The following RPP30 variants were observed in gnomAD, a reference collection of about 807,000 sequenced individuals.
RPP30 encodes the protein ribonuclease P protein subunit p30.
RPP30 carries 36 observed loss-of-function variants against 38.6 expected under a neutral mutation model. The observed-to-expected ratio is 0.93, with a 90% confidence interval of 0.71 to 1.23. RPP30 has a LOEUF of 1.23. Ranked by LOEUF, RPP30 falls within the 50% of genes most tolerant of loss-of-function variation. The probability of loss-of-function intolerance (pLI) is 0.00; values close to 1 mark genes in which losing one functional copy is unlikely to be tolerated. For missense variants in RPP30, 321 were observed against 321.7 expected (o/e 1.00, Z 0.02); for synonymous variants, 126 against 112.7 (o/e 1.12, Z -0.75).
chr10:90,897,193 T>G (rs993980092), intron 10 of RPP30, among the ~76,000 whole-genome samples: 4 of 152,262 alleles, frequency 2.6e-5, no homozygotes, highest in Non-Finnish European at 5.9e-5. Context: ...AATTTAAGCT[T>G]TTGATCACTG....
In RPP30 at chr10:90,885,793, ATT is replaced by A; in HGVS notation, c.343-13_343-12del. On this transcript the variant is annotated splice_polypyrimidine_tract_variant and intron_variant, in intron 5 of 10. Transcript: ENST00000371703. ...GCCAATTTTCCTTTTGGCCTTACCT[ATT>A]TTTTTCTTCTTTACAGATTGCTTGC... The A allele has an allele frequency of 1.3e-6, 2 of 1,577,434 alleles. No homozygotes were observed. Among genetic ancestry groups the A allele is most frequent in the Non-Finnish European group, 8.7e-7 (1 of 1,150,420 alleles).
chr10:90,873,469 C>T lies in RPP30; in HGVS notation c.83-1400C>T, dbSNP rs537569765. Among the ~76,000 whole-genome samples the T allele has an allele frequency of 2.0e-5, 3 of 152,274 alleles. No homozygotes were observed. The South Asian group carries it at 6.2e-4, about 32-fold the overall frequency. On this transcript the variant is annotated intron_variant, in intron 1 of 10. Coordinates refer to ENST00000371703, the MANE Select transcript of RPP30 (RefSeq NM_006413.5). ...TGCAAAGAATAGGAAAGACAGAGCC[C>T]TGGTTCTCAGTTTCTGATGTGATAC... is the stretch of plus-strand genomic sequence containing the variant.
At chr10:90,884,531 T>C (rs1421235913) in intron 5 of RPP30, among the ~76,000 whole-genome samples, 1 of 152,180 alleles carries the variant, frequency 6.6e-6, no homozygotes, top group Non-Finnish European at 1.5e-5. Context: ...AGTGACTCTT[T>C]TATGAGTTGG....
intron 5 of RPP30, among the ~76,000 whole-genome samples, chr10:90,879,547 C>T (rs750215989): frequency 8.5e-5 from 13 of 152,164 alleles, no homozygotes; most frequent in South Asian, 2.1e-4. Context: ...ACCTCTGTTT[C>T]GGCTTCCTCC....
chr10:90,900,688 C>G lies in RPP30; in HGVS notation c.*9C>G, dbSNP rs766392758. 1 of 1,611,172 alleles carries G rather than the reference C, an allele frequency of 6.2e-7. No individual in the cohort carries two copies. The highest frequency in any genetic ancestry group is 8.5e-7 in the Non-Finnish European group (1 of 1,178,828). ...CCAAGTGTGAGGGCTGAAAAGAATG[C>G]CCCAGTCTCTGTCAGCACTCCCTTC... is the stretch of plus-strand genomic sequence containing the variant. On this transcript the variant is annotated 3_prime_UTR_variant, in exon 11 of 11. Transcript: ENST00000371703.
At chr10:90,902,951 C>A (rs1847219297), downstream of RPP30, among the ~76,000 whole-genome samples, 2 of 152,268 alleles carry the variant, frequency 1.3e-5, no homozygotes, top group Middle Eastern at 3.4e-3. Flanking sequence ...CTGTTTAAGG[C>A]AGCTGTGTTT....
In RPP30 at chr10:90,901,102, G is replaced by C; in HGVS notation, c.*423G>C. ...TGATCCTCCCGCTTCAGCCTCTCAA[G>C]CAGCGGGAACTACAGGTGTGCACTA... On this transcript the variant is annotated 3_prime_UTR_variant, in exon 11 of 11. Coordinates refer to ENST00000371703, the MANE Select transcript of RPP30 (RefSeq NM_006413.5). 1 of 324,502 alleles carries C rather than the reference G, an allele frequency of 3.1e-6. No individual in the cohort carries two copies. The highest frequency in any genetic ancestry group is 4.4e-6 in the Non-Finnish European group (1 of 226,962). 20.1% of individuals were successfully genotyped at this position (324,502 alleles called of 1,614,324 possible).
At chr10:90,894,317 CT>C (rs1221249674) in intron 6 of RPP30, among the ~76,000 whole-genome samples, 1 of 152,166 alleles carries the variant, frequency 6.6e-6, no homozygotes, top group Non-Finnish European at 1.5e-5. Flanking sequence ...CCTGAAAGAC[CT>C]TCCTGCCCTT....
intron 6 of RPP30, among the ~76,000 whole-genome samples, chr10:90,893,467 G>A (rs1441979838): frequency 2.0e-5 from 3 of 152,178 alleles, no homozygotes; most frequent in African/African-American, 7.2e-5. Context: ...CCACTCAAGT[G>A]ACTTTTGCAA....
chr10:90,899,686 G>A (rs948667577), intron 10 of RPP30, among the ~76,000 whole-genome samples: 11 of 152,094 alleles, frequency 7.2e-5, no homozygotes, highest in African/African-American at 2.7e-4. Flanking sequence ...CTTTGTAAAG[G>A]AATATTTCTC....
chr10:90,903,093 C>T, downstream of RPP30: 1 of 711,686 alleles, frequency 1.4e-6, no homozygotes, highest in Non-Finnish European at 2.5e-6. Flanking sequence ...GAACTGCTGT[C>T]AAATTAGATA....
intron 5 of RPP30, among the ~76,000 whole-genome samples, chr10:90,882,068 T>G (rs533274652): frequency 2.0e-5 from 3 of 152,224 alleles, no homozygotes; most frequent in East Asian, 3.9e-4. Context: ...GTCCATTGGT[T>G]AGGGCTCCTT....
intron 2 of RPP30, among the ~76,000 whole-genome samples, 195 bp from the exon 3 acceptor site, chr10:90,875,363 G>C (rs1846837456): frequency 6.6e-6 from 1 of 152,006 alleles, no homozygotes; most frequent in African/African-American, 2.4e-5. Flanking sequence ...CCTATTCACT[G>C]ATGTTTACAG....
chr10:90,874,767 CA>C, intron 1 of RPP30, 101 bp from the exon 2 acceptor site: 2 of 669,628 alleles, frequency 3.0e-6, no homozygotes, highest in East Asian at 5.7e-5. Context: ...AACCACTCCT[CA>C]AATGTCCTCC....
rs1589497596 is a variant in RPP30 at position 90,885,964 on chromosome 10, A to G, written c.432+63A>G. ...ACTTACATTAGCAAATTGGAAAAGA[A>G]GCAGAAGAAATCAGTGTTCTTAGAA... On this transcript the variant is annotated intron_variant, in intron 6 of 10. Coordinates refer to ENST00000371703, the MANE Select transcript of RPP30 (RefSeq NM_006413.5). The G allele has an allele frequency of 7.6e-6, 8 of 1,053,918 alleles. No homozygotes were observed. The East Asian group carries it at 2.0e-4, about 26-fold the overall frequency. The allele number at this position is 1,053,918 out of a possible 1,614,324, so 65.3% of individuals were successfully genotyped here.
chr10:90,892,627 T>G (rs758852328), intron 6 of RPP30, among the ~76,000 whole-genome samples: 1 of 152,236 alleles, frequency 6.6e-6, no homozygotes, highest in Non-Finnish European at 1.5e-5. Flanking sequence ...TTTCATTTAT[T>G]TCCCCTCTTC....
intron 4 of RPP30, among the ~76,000 whole-genome samples, chr10:90,876,962 T>C (rs1037209135): frequency 3.9e-5 from 6 of 152,028 alleles, no homozygotes; most frequent in Admixed American, 3.3e-4. Flanking sequence ...AGACGGACCA[T>C]ACAAACCAGC....
intron 6 of RPP30, among the ~76,000 whole-genome samples, chr10:90,889,042 A>T (rs1847039375): frequency 6.6e-6 from 1 of 152,166 alleles, no homozygotes; most frequent in Non-Finnish European, 1.5e-5. Context: ...ATTTTTTATT[A>T]AAGAGAGAAA....
chr10:90,891,904 C>T (rs1367780995), intron 6 of RPP30, among the ~76,000 whole-genome samples: 1 of 152,118 alleles, frequency 6.6e-6, no homozygotes. Context: ...GACAAATTAC[C>T]TGTCTTAAAC....
Sources: allele counts gnomAD v4.1 joint callset (sites outside exome capture counted in the v4.1 genomes callset), GRCh38; gene constraint gnomAD v4.1.1; transcripts MANE v1.5; gene names NCBI Gene and HGNC (gene_info 2026-07-23, HGNC 2026-07-21).